Variants in DCAF13 observed in about 807,000 individuals in gnomAD.
DCAF13 encodes the protein DDB1 and CUL4 associated factor 13.
DCAF13 carries 38 observed loss-of-function variants against 59.0 expected under a neutral mutation model. The observed-to-expected ratio is 0.64, with a 90% CI of 0.50 to 0.84. The LOEUF is 0.84. Among genes scored for constraint, DCAF13 ranks in the 40% least tolerant of loss-of-function variants. DCAF13 has a pLI of 0.00. For synonymous variants in DCAF13, 173 were observed against 175.0 expected (o/e 0.99, Z 0.09); for missense variants, 469 against 558.4 (o/e 0.84, Z 1.61).
intron 3 of DCAF13, among the ~76,000 whole-genome samples, chr8:103,424,005 T>C (rs1043375361): frequency 3.3e-5 from 5 of 151,828 alleles, no homozygotes; most frequent in African/African-American, 1.2e-4. Flanking sequence ...CCTTATTGTT[T>C]CTCGGTTTTT....
intron 8 of DCAF13, among the ~76,000 whole-genome samples, chr8:103,436,906 T>C (rs2130494890): frequency 6.6e-6 from 1 of 152,312 alleles, no homozygotes; most frequent in Admixed American, 6.5e-5. Flanking sequence ...AACTCTTTGC[T>C]CTTTTACTTG....
intron 1 of DCAF13, among the ~76,000 whole-genome samples, chr8:103,416,863 C>T (rs1816625283): frequency 6.6e-6 from 1 of 152,128 alleles, no homozygotes; most frequent in Non-Finnish European, 1.5e-5. Flanking sequence ...AATGATCTAT[C>T]TTGTTGGGGT....
chr8:103,426,976 A>T (rs1783322134), intron 4 of DCAF13, 121 bp from the exon 5 acceptor site: 1 of 709,710 alleles, frequency 1.4e-6, no homozygotes, highest in South Asian at 3.1e-5. Flanking sequence ...ACTTCAAAGA[A>T]GTTTCTTTGT....
chr8:103,416,169 AC>A (rs1816608985), intron 1 of DCAF13, among the ~76,000 whole-genome samples: 1 of 152,214 alleles, frequency 6.6e-6, no homozygotes, highest in Non-Finnish European at 1.5e-5. Context: ...GCAGGAATGA[AC>A]CTAAGGCATA....
chr8:103,441,732 T>G (rs968581643), intron 10 of DCAF13, 114 bp downstream of exon 10: 1 of 1,024,016 alleles, frequency 9.8e-7, no homozygotes, highest in East Asian at 2.6e-5. Context: ...TATTTAATAG[T>G]ATGTTAGTGA....
At chr8:103,428,182 A>C (rs1451631513) in intron 5 of DCAF13, 3 of 152,216 alleles carry the variant, frequency 2.0e-5, no homozygotes, top group African/African-American at 7.2e-5. Flanking sequence ...CTGCAGTGCG[A>C]TGTGAGCTTG....
intron 3 of DCAF13, among the ~76,000 whole-genome samples, chr8:103,422,507 A>C (rs749469380): frequency 3.3e-5 from 5 of 152,230 alleles, no homozygotes; most frequent in Admixed American, 6.5e-5. Flanking sequence ...GTGAATGAGC[A>C]TAGTGTCCTA....
chr8:103,417,794 A>G (rs1816642566), intron 1 of DCAF13, among the ~76,000 whole-genome samples: 1 of 152,020 alleles, frequency 6.6e-6, no homozygotes, highest in African/African-American at 2.4e-5. Context: ...AGTTTTAAGC[A>G]TGGGAGTGAC....
At chr8:103,440,785 G>A (rs1395153328) in intron 9 of DCAF13, 1 of 152,214 alleles carries the variant, frequency 6.6e-6, no homozygotes, top group Non-Finnish European at 1.5e-5. Context: ...TCCAGGATAG[G>A]GGATTATGGT....
At chr8:103,441,709 G>C in intron 10 of DCAF13, 91 bp downstream of exon 10, 1 of 1,188,096 alleles carries the variant, frequency 8.4e-7, no homozygotes, top group Non-Finnish European at 1.2e-6. Flanking sequence ...CAAGGGAGTA[G>C]TTTATGTGCT....
Position 103,420,330 on chromosome 8 carries a change from A to G in DCAF13, c.137A>G (p.Asn46Ser), listed in dbSNP as rs766215478. Residue 46 changes from asparagine (N) to serine (S), a missense_variant, in exon 2 of 11, where the codon AAT (asparagine) becomes AGT (serine). Coordinates refer to ENST00000612750, the MANE Select transcript of DCAF13 (RefSeq NM_015420.7). ...EVPREYIRAL[N>S]ATKLERVFAK... ...CCACGAGAATATATAAGAGCTTTAAATGCTACCAAACTGGAACGAGTATTT... is the reference window on the plus strand; with the variant it reads ...CCACGAGAATATATAAGAGCTTTAAGTGCTACCAAACTGGAACGAGTATTT... 6.2e-7 allele frequency: 1 copy of G among 1,614,198 alleles called. No homozygotes were observed. The highest frequency in any genetic ancestry group is 1.1e-5 in the South Asian group (1 of 91,080).
chr8:103,418,844 A>ATATATATTTATATATT (rs1816667694), intron 1 of DCAF13, among the ~76,000 whole-genome samples: 2 of 15,396 alleles, frequency 1.3e-4, no homozygotes, highest in South Asian at 4.5e-3. Context: ...ATATATATAT[A>ATATATATTTATATATT]TATATATATA....
intron 8 of DCAF13, among the ~76,000 whole-genome samples, chr8:103,438,917 A>G (rs142903463): frequency 3.0e-3 from 451 of 152,280 alleles, no homozygotes; most frequent in African/African-American, 0.01. Flanking sequence ...CTTAACACTT[A>G]CTAATATAGT....
chr8:103,441,333 T>C, intron 9 of DCAF13, 122 bp from the exon 10 acceptor site: 1 of 805,734 alleles, frequency 1.2e-6, no homozygotes, highest in East Asian at 2.8e-5. Flanking sequence ...CAGAATTACA[T>C]TGGCAATTTT....
intron 1 of DCAF13, among the ~76,000 whole-genome samples, chr8:103,418,864 ATATTTTTTTTT>A (rs1816679065): frequency 8.2e-4 from 23 of 27,954 alleles, no homozygotes; most frequent in Admixed American, 3.8e-3. Context: ...ATATATATAT[ATATTTTTTTTT>A]TTTTTTTTTT....
At chr8:103,438,742 CTGTT>C (rs1816965959) in intron 8 of DCAF13, among the ~76,000 whole-genome samples, 1 of 152,088 alleles carries the variant, frequency 6.6e-6, no homozygotes, top group African/African-American at 2.4e-5. Flanking sequence ...TTTAGTCATT[CTGTT>C]TGAGTTTTAT....
At chr8:103,441,404 T>C in intron 9 of DCAF13, 51 bp from the exon 10 acceptor site, 2 of 1,510,956 alleles carry the variant, frequency 1.3e-6, no homozygotes, top group Non-Finnish European at 1.8e-6. Context: ...TTTTTTATAC[T>C]GAAGCAAAAC....
At chr8:103,441,244 A>G (rs1340625472) in intron 9 of DCAF13, 1 of 456,928 alleles carries the variant, frequency 2.2e-6, no homozygotes, top group South Asian at 2.7e-5. Context: ...GGTGGCATCT[A>G]TCTACATGGC....
intron 1 of DCAF13, among the ~76,000 whole-genome samples, chr8:103,418,867 T>TATATATATATATA (rs1491287087): frequency 6.7e-4 from 6 of 8,946 alleles, no homozygotes; most frequent in Admixed American, 2.3e-3. Flanking sequence ...TATATATATA[T>TATATATATATATA]TTTTTTTTTT....
Sources: gnomAD v4.1 joint callset for allele counts (sites outside exome capture counted in the v4.1 genomes callset) on GRCh38, gnomAD v4.1.1 for gene constraint, MANE v1.5 for transcripts, NCBI Gene and HGNC (gene_info 2026-07-23, HGNC 2026-07-21) for gene names.